MYT1L: variants seen among roughly 807,000 people sequenced by gnomAD.
The protein encoded by MYT1L is myelin transcription factor 1 like.
In MYT1L, 12 loss-of-function variants were observed where a neutral mutation model predicts 126.7. That is an observed-to-expected ratio of 0.09 (90% CI 0.06 to 0.15). The LOEUF (loss-of-function observed/expected upper bound fraction) is 0.15. Among genes scored for constraint, MYT1L ranks in the 10% least tolerant of loss-of-function variants. The probability of loss-of-function intolerance (pLI) is 1.00; values close to 1 mark genes in which losing one functional copy is unlikely to be tolerated. For missense variants in MYT1L, 979 were observed against 1,585.2 expected, an observed-to-expected ratio of 0.62 and a Z score of 6.49; for synonymous variants, 541 against 604.2, an observed-to-expected ratio of 0.90 and a Z score of 1.53.
chr2:2,095,555 T>G (rs555643521), intron 3 of MYT1L, among the ~76,000 whole-genome samples: 1 of 152,250 alleles, frequency 6.6e-6, no homozygotes, highest in South Asian at 2.1e-4. Context: ...CCCCCACCTG[T>G]GGCCGCGGGG....
At chr2:1,956,878 G>C (rs547212066) in intron 8 of MYT1L, among the ~76,000 whole-genome samples, 2 of 152,278 alleles carry the variant, frequency 1.3e-5, no homozygotes, top group African/African-American at 2.4e-5. Context: ...GAATCTTACA[G>C]GAAAGGTGTC....
At chr2:2,055,412 T>G (rs1413994336) in intron 3 of MYT1L, among the ~76,000 whole-genome samples, 9 of 152,256 alleles carry the variant, frequency 5.9e-5, no homozygotes, top group Admixed American at 1.3e-4. Context: ...ATTTAAAATT[T>G]TTTATTTGTT....
intron 3 of MYT1L, among the ~76,000 whole-genome samples, chr2:2,151,311 G>A (rs1178850898): frequency 2.0e-5 from 3 of 152,098 alleles, no homozygotes; most frequent in Non-Finnish European, 4.4e-5. Flanking sequence ...AGGACAGGAG[G>A]AGGAAAACAA....
At position 1,791,940 on chromosome 2, in the gene MYT1L, T is replaced by A; in HGVS notation, c.3488A>T (p.Asp1163Val). ...TTLTEMYTNQDRYQSPENKAL... is the reference protein window; with the variant it reads ...TTLTEMYTNQVRYQSPENKAL... Reference sequence around the variant, plus strand: ...TTTATTTTCTGGACTCTGATAACGATCTTGATTTGTATACATTTCCGTCAA... The same window carrying A: ...TTTATTTTCTGGACTCTGATAACGAACTTGATTTGTATACATTTCCGTCAA... Residue 1163 changes from aspartate to valine, a missense_variant, in exon 25 of 25, where the codon GAT becomes GTT. Asp to Val is a radical substitution (Grantham distance 152). Transcript: ENST00000647738. This position sits in a 1 kb window ranked among gnomAD's most constrained non-coding sequence, Gnocchi z 6.0. 1 of 1,611,752 alleles carries A rather than the reference T, an allele frequency of 6.2e-7. No homozygotes were observed. Among genetic ancestry groups the A allele is most frequent in the Non-Finnish European group, 8.5e-7 (1 of 1,179,328 alleles).
At chr2:1,892,636 G>A (rs2049061123) in intron 14 of MYT1L, among the ~76,000 whole-genome samples, 1 of 151,808 alleles carries the variant, frequency 6.6e-6, no homozygotes, top group Non-Finnish European at 1.5e-5. Flanking sequence ...TTTAGGAGCC[G>A]CAGGGTGTAG....
chr2:2,287,748 T>C (rs1455486851), intron 1 of MYT1L, among the ~76,000 whole-genome samples: 1 of 152,254 alleles, frequency 6.6e-6, no homozygotes, highest in Non-Finnish European at 1.5e-5. Flanking sequence ...ATATAGTCTT[T>C]TAAACAAAGT....
chr2:1,875,100 G>C (rs1379987306), intron 18 of MYT1L, among the ~76,000 whole-genome samples: 1 of 152,210 alleles, frequency 6.6e-6, no homozygotes, highest in East Asian at 1.9e-4. Context: ...GCTGAGGGGC[G>C]CCATCAGGGA....
intron 4 of MYT1L, among the ~76,000 whole-genome samples, chr2:2,037,446 T>G (rs1380569609): frequency 1.3e-5 from 2 of 151,482 alleles, no homozygotes; most frequent in Non-Finnish European, 2.9e-5. Context: ...TCAGTTGATT[T>G]TTTTTTTTTT....
chr2:1,930,079 G>A (rs2054751330), intron 9 of MYT1L, among the ~76,000 whole-genome samples: 1 of 152,184 alleles, frequency 6.6e-6, no homozygotes, highest in African/African-American at 2.4e-5. Flanking sequence ...AGGCCCGCCC[G>A]AAGGCAGCTC....
At chr2:2,291,990 C>T (rs558375181) in intron 1 of MYT1L, among the ~76,000 whole-genome samples, 1 of 152,228 alleles carries the variant, frequency 6.6e-6, no homozygotes, top group Non-Finnish European at 1.5e-5. Context: ...TGGCTGTGCC[C>T]GGGCTGAGAG....
chr2:2,285,097 G>A (rs1477308127), intron 1 of MYT1L, among the ~76,000 whole-genome samples: 3 of 152,222 alleles, frequency 2.0e-5, no homozygotes, highest in Non-Finnish European at 2.9e-5. Flanking sequence ...ACTTGAGAGA[G>A]TCCCTAGGTC....
intron 18 of MYT1L, among the ~76,000 whole-genome samples, chr2:1,877,096 A>G (rs2047003744): frequency 6.6e-6 from 1 of 152,130 alleles, no homozygotes; most frequent in South Asian, 2.1e-4. Context: ...TTCAGCATCT[A>G]AGCTCTGCCT....
At chr2:1,794,744 C>A (rs116741497) in intron 23 of MYT1L, among the ~76,000 whole-genome samples, 2 of 152,290 alleles carry the variant, frequency 1.3e-5, no homozygotes, top group African/African-American at 4.8e-5. Flanking sequence ...CCGTGCTACC[C>A]GGGTCTGTGG....
At chr2:2,264,466 T>C (rs2095069206) in intron 2 of MYT1L, among the ~76,000 whole-genome samples, 1 of 151,932 alleles carries the variant, frequency 6.6e-6, no homozygotes, top group Non-Finnish European at 1.5e-5. Flanking sequence ...TTACTTTATA[T>C]AGGAATGAAA....
chr2:2,088,784 CGAACAATTACGACCA>C (rs1352307443), intron 3 of MYT1L, among the ~76,000 whole-genome samples: 4 of 152,136 alleles, frequency 2.6e-5, no homozygotes, highest in African/African-American at 9.7e-5. Context: ...GCAATTTGAA[CGAACAATTACGACCA>C]GTTTTATGAG....
chr2:2,257,765 A>G (rs2149261273), intron 2 of MYT1L, among the ~76,000 whole-genome samples: 1 of 151,158 alleles, frequency 6.6e-6, no homozygotes, highest in South Asian at 2.1e-4. Context: ...ATGGAAGAAC[A>G]TTCCATGCTC....
At chr2:1,830,213 G>T (rs1345012559) in intron 21 of MYT1L, among the ~76,000 whole-genome samples, 1 of 152,186 alleles carries the variant, frequency 6.6e-6, no homozygotes, top group African/African-American at 2.4e-5. Flanking sequence ...TCACTCACGG[G>T]GGGTCAGGCA....
Position 1,922,599 on chromosome 2 carries a change from G to A in MYT1L, c.1170C>T (p.Ser390=). The A allele has an allele frequency of 6.2e-7, 1 of 1,613,970 alleles. No individual in the cohort carries two copies. Among genetic ancestry groups the A allele is most frequent in the Non-Finnish European group, 8.5e-7 (1 of 1,179,890 alleles). The change falls in exon 10 of 25, where the codon AGC becomes AGT. Residue 390 remains serine (S), a synonymous_variant. Coordinates refer to ENST00000647738, the MANE Select transcript of MYT1L (RefSeq NM_001303052.2). This position sits in a 1 kb window ranked among gnomAD's most constrained non-coding sequence, Gnocchi z 7.4. ...AGCTGGCAAACACTCTCGACCGGGG[G>A]CTCAACTGCTCCTCCAGCCGCATGA... The part of the protein sequence containing the change: ...LNLMRLEEQL[S]PRSRVFASCA...
At chr2:2,241,033 A>T (rs1260318419) in intron 2 of MYT1L, among the ~76,000 whole-genome samples, 1 of 152,170 alleles carries the variant, frequency 6.6e-6, no homozygotes, top group African/African-American at 2.4e-5. Flanking sequence ...AAAAATAAAG[A>T]CAAAAAAGTA....
Sources: allele counts gnomAD v4.1 joint callset (sites outside exome capture counted in the v4.1 genomes callset), GRCh38; gene constraint gnomAD v4.1.1; non-coding constraint Gnocchi (gnomAD v3.1); transcripts MANE v1.5; gene names NCBI Gene and HGNC (gene_info 2026-07-23, HGNC 2026-07-21).